ZFYVE1: variants seen among roughly 807,000 people sequenced by gnomAD.
The protein encoded by ZFYVE1 is zinc finger FYVE domain-containing protein 1.
Under a neutral mutation model 74.4 loss-of-function variants are expected in ZFYVE1, and 30 were observed. The ratio of observed to expected loss-of-function variants is 0.40; its 90% CI spans 0.30 to 0.55. The LOEUF (loss-of-function observed/expected upper bound fraction) is 0.55, where lower values mean the gene tolerates loss of function less well. Ranked by LOEUF, ZFYVE1 falls within the 20% of genes least tolerant of loss-of-function variation. The probability of loss-of-function intolerance (pLI) is 0.42; values close to 1 mark genes in which losing one functional copy is unlikely to be tolerated. For synonymous variants in ZFYVE1, 335 were observed against 385.1 expected (o/e 0.87, Z 1.52); for missense variants, 703 against 1,011.6 (o/e 0.69, Z 4.14).
chr14:72,982,907 G>T (rs374502194), intron 4 of ZFYVE1, among the ~76,000 whole-genome samples: 1 of 151,866 alleles, frequency 6.6e-6, no homozygotes, highest in Non-Finnish European at 1.5e-5. Flanking sequence ...GCACTGGCAC[G>T]ATCTTGGCTC....
intron 2 of ZFYVE1, among the ~76,000 whole-genome samples, chr14:73,011,451 C>T (rs201460513): frequency 6.6e-6 from 1 of 152,140 alleles, no homozygotes; most frequent in East Asian, 1.9e-4. Context: ...CACACCACTG[C>T]ACTCCAGCCT....
intron 5 of ZFYVE1, chr14:72,979,204 G>T: frequency 9.1e-6 from 4 of 438,428 alleles, no homozygotes; most frequent in East Asian, 4.2e-5. Context: ...GGACACAGGG[G>T]AAAAAGAAAT....
chr14:72,987,080 A>G (rs1250049561), intron 4 of ZFYVE1: 16 of 467,652 alleles, frequency 3.4e-5, no homozygotes, highest in Non-Finnish European at 4.5e-5. Context: ...GGCTCTTTCT[A>G]TTGTATCTAT....
At chr14:72,973,516 A>C (rs535323688) in intron 11 of ZFYVE1, among the ~76,000 whole-genome samples, 43 of 151,388 alleles carry the variant, frequency 2.8e-4, no homozygotes, top group African/African-American at 3.9e-4. Context: ...AACAAACAAA[A>C]AAAAAGAGAT....
chr14:72,975,428 G>C lies in ZFYVE1; in HGVS notation c.1806+123C>G. 1 of 1,281,542 alleles carries C rather than the reference G, an allele frequency of 7.8e-7. No individual in the cohort carries two copies. The highest frequency in any genetic ancestry group is 1.1e-6 in the Non-Finnish European group (1 of 934,710). The allele number at this position is 1,281,542 out of a possible 1,614,324, so 79.4% of individuals were successfully genotyped here. A position where few individuals can be genotyped will look rare whatever the true frequency, so the allele number is the denominator to read the frequency against. The stretch of plus-strand genomic sequence containing the variant: ...ACTCCTCCCCTTGCCGGTACTCACA[G>C]AGCTCACTGCACTGGCAGAAAATGT... On this transcript the variant is annotated intron_variant, in intron 9 of 11. Transcript: ENST00000556143. This position sits in a 1 kb window ranked among gnomAD's most constrained non-coding sequence, Gnocchi z 4.1.
chr14:72,984,115 C>T (rs1220274509), intron 4 of ZFYVE1, among the ~76,000 whole-genome samples: 6 of 152,132 alleles, frequency 3.9e-5, no homozygotes, highest in African/African-American at 1.4e-4. Flanking sequence ...CTGCAGAGGC[C>T]ATAGAACACC....
In ZFYVE1 at chr14:73,024,309, T is replaced by A. The variant is rs756866035; in HGVS notation, c.200A>T (p.His67Leu). The A allele has an allele frequency of 1.2e-6, 2 of 1,614,102 alleles. No homozygotes were observed. The highest frequency in any genetic ancestry group is 2.2e-5 in the South Asian group (2 of 91,064). The change falls in exon 2 of 12, where the codon CAT becomes CTT. Residue 67 changes from histidine to leucine, a missense_variant. His to Leu is a moderately conservative substitution (Grantham distance 99). This residue lies in a region of ZFYVE1 where 211 missense variants were observed against 221.7 expected (regional missense o/e 0.95). Coordinates refer to ENST00000556143, the MANE Select transcript of ZFYVE1 (RefSeq NM_021260.4). ...NHERIRLKPG[H>L]VPYCDLCKGL... ...CTTGCAGAGGTCACAGTAAGGGACATGGCCAGGTTTGAGTCTTATCCGCTC... is the reference window on the plus strand; with the variant it reads ...CTTGCAGAGGTCACAGTAAGGGACAAGGCCAGGTTTGAGTCTTATCCGCTC...
intron 2 of ZFYVE1, among the ~76,000 whole-genome samples, chr14:73,008,662 A>G (rs1357683623): frequency 6.6e-6 from 1 of 152,116 alleles, no homozygotes; most frequent in Non-Finnish European, 1.5e-5. Context: ...GCCCCACCTC[A>G]TCCTCAAGGG....
chr14:73,012,468 CAAA>C (rs1894110744), intron 2 of ZFYVE1, among the ~76,000 whole-genome samples: 1 of 151,990 alleles, frequency 6.6e-6, no homozygotes, highest in Non-Finnish European at 1.5e-5. Flanking sequence ...CTAAAAATAA[CAAA>C]ATTAGCTGGA....
intron 2 of ZFYVE1, among the ~76,000 whole-genome samples, chr14:73,019,350 A>C (rs745910632): frequency 2.0e-5 from 3 of 152,044 alleles, no homozygotes; most frequent in Non-Finnish European, 4.4e-5. Flanking sequence ...GGAGGCTGTA[A>C]GTGGAAGGAT....
At chr14:72,982,990 C>A (rs1375413747) in intron 4 of ZFYVE1, among the ~76,000 whole-genome samples, 1 of 151,992 alleles carries the variant, frequency 6.6e-6, no homozygotes, top group Non-Finnish European at 1.5e-5. Flanking sequence ...ATTACAGGCA[C>A]CCACCACCAC....
At chr14:73,001,103 G>A (rs983094103) in intron 2 of ZFYVE1, among the ~76,000 whole-genome samples, 7 of 152,154 alleles carry the variant, frequency 4.6e-5, no homozygotes, top group African/African-American at 1.7e-4. Context: ...TGAATGCTAC[G>A]CAAGACTGCA....
At chr14:73,016,511 C>CAAATAAATAAAT (rs112168425) in intron 2 of ZFYVE1, among the ~76,000 whole-genome samples, 11 of 150,822 alleles carry the variant, frequency 7.3e-5, no homozygotes, top group South Asian at 6.3e-4. Context: ...GATTCCGTCT[C>CAAATAAATAAAT]AAATAAATAA....
intron 2 of ZFYVE1, among the ~76,000 whole-genome samples, chr14:73,023,251 TTATATGTTTTATATATAATATATATTA>T (rs1567366638): frequency 6.5e-4 from 61 of 93,176 alleles, no homozygotes; most frequent in African/African-American, 2.5e-3. Context: ...AATATATATA[TTATATGTTTTATATATAATATATATTA>T]TATATGTTTT....
rs940322794 is a variant in ZFYVE1, at chr14:72,981,776, C to T, written c.1310+13G>A. On this transcript the variant is annotated intron_variant, in intron 5 of 11. Coordinates refer to ENST00000556143, the MANE Select transcript of ZFYVE1 (RefSeq NM_021260.4). Reference sequence around the variant, plus strand: ...AGGTATGGGGTGGGAGGTGGGGGAGCGGCCTTACTTACCCACAGCTGAGGC... The same window carrying T: ...AGGTATGGGGTGGGAGGTGGGGGAGTGGCCTTACTTACCCACAGCTGAGGC... The T allele has an allele frequency of 1.2e-6, 2 of 1,611,658 alleles. No individual in the cohort carries two copies. The highest frequency in any genetic ancestry group is 1.7e-4 in the Middle Eastern group (1 of 6,052).
Position 72,970,921 on chromosome 14 carries a change from T to G in ZFYVE1, c.2295A>C (p.Arg765=), listed in dbSNP as rs1433763863. ...GCTTTTTATTGCAGTTGAAGCAGAC[T>G]CGGACGGGATGGTCCCAGCCACGAG... ...VPSRGWDHPV[R]VCFNCNKKPG... is the part of the protein sequence containing the mutation. Residue 765 remains arginine, a synonymous_variant, in exon 12 of 12, where the codon CGA becomes CGC. Coordinates refer to ENST00000556143, the MANE Select transcript of ZFYVE1 (RefSeq NM_021260.4). 3.7e-6 allele frequency: 6 copies of G among 1,614,046 alleles called. No individual in the cohort carries two copies. The highest frequency in any genetic ancestry group is 5.1e-6 in the Non-Finnish European group (6 of 1,180,040).
intron 4 of ZFYVE1, among the ~76,000 whole-genome samples, chr14:72,988,779 C>A (rs1351286688): frequency 6.9e-6 from 1 of 145,248 alleles, no homozygotes; most frequent in African/African-American, 2.6e-5. Flanking sequence ...TGTACTCCAG[C>A]CTGAGTGACA....
intron 2 of ZFYVE1, among the ~76,000 whole-genome samples, chr14:73,007,706 C>A (rs1443871198): frequency 6.6e-6 from 1 of 152,076 alleles, no homozygotes; most frequent in Non-Finnish European, 1.5e-5. Context: ...AGGATTTTAC[C>A]TAAACTATGT....
chr14:73,026,361 C>G (rs1486658382), intron 1 of ZFYVE1, among the ~76,000 whole-genome samples: 1 of 152,086 alleles, frequency 6.6e-6, no homozygotes, highest in African/African-American at 2.4e-5. Flanking sequence ...ATTCCAAGGC[C>G]CCGACAAGGT....
Sources: gnomAD v4.1 joint callset for allele counts (sites outside exome capture counted in the v4.1 genomes callset) on GRCh38, gnomAD v4.1.1 for gene constraint, gnomAD v4.1.1 regional missense constraint, Gnocchi (gnomAD v3.1) non-coding constraint, MANE v1.5 for transcripts, NCBI Gene and HGNC (gene_info 2026-07-23, HGNC 2026-07-21) for gene names.